Variants in NPAS2 observed in about 807,000 individuals in gnomAD.
NPAS2 encodes neuronal PAS domain protein 2.
Under a neutral mutation model 107.5 loss-of-function variants are expected in NPAS2, and 23 were observed. The observed-to-expected ratio is 0.21, with a 90% CI of 0.15 to 0.30. NPAS2 has a LOEUF of 0.30. Ranked by LOEUF, NPAS2 falls within the 10% of genes least tolerant of loss-of-function variation. The pLI is 1.00. For missense variants in NPAS2, 756 were observed against 1,043.3 expected, an observed-to-expected ratio of 0.72 and a Z score of 3.79; for synonymous variants, 403 against 417.5, an observed-to-expected ratio of 0.97 and a Z score of 0.42.
chr2:100,905,374 A>T (rs1218837781), intron 2 of NPAS2, among the ~76,000 whole-genome samples: 3 of 151,692 alleles, frequency 2.0e-5, no homozygotes, highest in Non-Finnish European at 4.4e-5. Context: ...AGCCCTGATA[A>T]CCTGTCTATG....
chr2:100,884,930 A>G (rs752364976), intron 1 of NPAS2, among the ~76,000 whole-genome samples: 6 of 150,248 alleles, frequency 4.0e-5, no homozygotes, highest in Non-Finnish European at 8.9e-5. Context: ...AAAATGGCCT[A>G]AGATCCTTTA....
intron 5 of NPAS2, among the ~76,000 whole-genome samples, chr2:100,941,714 C>T (rs1674584159): frequency 6.6e-6 from 1 of 152,156 alleles, no homozygotes; most frequent in Non-Finnish European, 1.5e-5. Flanking sequence ...GAATGAAAAC[C>T]TTGCGGGAGA....
intron 1 of NPAS2, among the ~76,000 whole-genome samples, chr2:100,892,799 G>A (rs553242179): frequency 1.2e-4 from 19 of 152,100 alleles, no homozygotes; most frequent in African/African-American, 3.9e-4. Flanking sequence ...AGCTCGTTGC[G>A]GCCTTTGGCT....
At chr2:100,878,847 G>A (rs909216498) in intron 1 of NPAS2, among the ~76,000 whole-genome samples, 4 of 152,126 alleles carry the variant, frequency 2.6e-5, no homozygotes, top group Non-Finnish European at 5.9e-5. Flanking sequence ...GGCCAGGCAC[G>A]GTGGTTCATG....
intron 19 of NPAS2, 123 bp from the exon 20 acceptor site, chr2:100,993,224 C>T (rs1221624668): frequency 6.7e-6 from 6 of 899,774 alleles, no homozygotes; most frequent in Middle Eastern, 2.6e-4. Flanking sequence ...TGAGCCACCG[C>T]GCCTGGCCAA....
At chr2:100,874,228 G>T (rs1404285100) in intron 1 of NPAS2, among the ~76,000 whole-genome samples, 1 of 151,780 alleles carries the variant, frequency 6.6e-6, no homozygotes, top group South Asian at 2.1e-4. Context: ...CAAGCAATCC[G>T]CCTGCCTCGG....
At chr2:100,943,233 C>T (rs974164023) in intron 5 of NPAS2, among the ~76,000 whole-genome samples, 5 of 152,228 alleles carry the variant, frequency 3.3e-5, no homozygotes, top group African/African-American at 1.2e-4. Context: ...TTGTTTTTGT[C>T]AGTCTGGTAC....
At chr2:100,851,023 A>G (rs1678143567) in intron 1 of NPAS2, among the ~76,000 whole-genome samples, 1 of 147,410 alleles carries the variant, frequency 6.8e-6, no homozygotes, top group Non-Finnish European at 1.5e-5. Flanking sequence ...ATGAATATTG[A>G]GGACACTATG....
chr2:100,843,752 A>T (rs1677593987), intron 1 of NPAS2, among the ~76,000 whole-genome samples: 1 of 152,156 alleles, frequency 6.6e-6, no homozygotes, highest in Non-Finnish European at 1.5e-5. Context: ...AAAGAGATCT[A>T]AAGGATCTCT....
chr2:100,924,810 C>T lies in NPAS2; in HGVS notation c.33-336C>T, dbSNP rs558197062. The stretch of plus-strand genomic sequence containing the variant: ...CTTAGGAAGGGCTCTCCGAGCACAG[C>T]CATCTCAGTCAGCAGTGTGTCCTTT... On this transcript the variant is annotated intron_variant, in intron 2 of 20. Transcript: ENST00000335681. Among the ~76,000 whole-genome samples, 5 of 152,332 alleles carry T rather than the reference C, an allele frequency of 3.3e-5. No homozygotes were observed. In the East Asian group the frequency reaches 9.7e-4, roughly 29 times the overall value.
At chr2:100,944,632 ATTGT>A (rs1674776820) in intron 5 of NPAS2, among the ~76,000 whole-genome samples, 1 of 152,154 alleles carries the variant, frequency 6.6e-6, no homozygotes, top group Non-Finnish European at 1.5e-5. Context: ...TCAAGTTATC[ATTGT>A]TTGTGTTGGT....
At position 100,948,333 on chromosome 2, in the gene NPAS2, C is replaced by T. The variant is rs1301211882; in HGVS notation, c.462C>T (p.Ser154=). The T allele has an allele frequency of 2.5e-6, 4 of 1,609,806 alleles. No individual in the cohort carries two copies. The highest frequency in any genetic ancestry group is 3.4e-6 in the Non-Finnish European group (4 of 1,178,074). ...CTTCCCATATGCTTGTGACGGATTCCCCCTCCCCAGAATACTTAAAATGTA... is the reference window on the plus strand; with the variant it reads ...CTTCCCATATGCTTGTGACGGATTCTCCCTCCCCAGAATACTTAAAATGTA... ...ILSSHMLVTD[S]PSPEYLKSDS... The change falls in exon 6 of 21, where the codon TCC becomes TCT. Residue 154 remains serine, a synonymous_variant. Coordinates refer to ENST00000335681, the MANE Select transcript of NPAS2 (RefSeq NM_002518.4).
chr2:100,878,391 T>G, intron 1 of NPAS2: 1 of 985,440 alleles, frequency 1.0e-6, no homozygotes, highest in Non-Finnish European at 1.2e-6. Context: ...GCTGAGGACC[T>G]GGAAAACCAG....
intron 1 of NPAS2, among the ~76,000 whole-genome samples, chr2:100,874,851 C>G (rs1237801357): frequency 2.0e-5 from 3 of 152,180 alleles, no homozygotes; most frequent in Admixed American, 6.5e-5. Flanking sequence ...CCGTTTCCTC[C>G]AGGCTGTCTC....
At chr2:100,941,581 TAATG>T (rs759636809) in intron 5 of NPAS2, among the ~76,000 whole-genome samples, 15 of 151,746 alleles carry the variant, frequency 9.9e-5, no homozygotes, top group African/African-American at 3.4e-4. Context: ...ATAACAATAA[TAATG>T]AGAATTGTTC....
chr2:100,952,040 T>A (rs1454658509), intron 7 of NPAS2, among the ~76,000 whole-genome samples: 2 of 149,946 alleles, frequency 1.3e-5, no homozygotes, highest in Non-Finnish European at 2.9e-5. Flanking sequence ...TAGTCCCAGC[T>A]ACTAGGGAGG....
At position 100,968,324 on chromosome 2, in the gene NPAS2, G is replaced by T; in HGVS notation, c.951G>T (p.Leu317=). ...GKGKSCCYRF[L]TKGQQWIWLQ... The stretch of plus-strand genomic sequence containing the variant: ...GGAAGTCGTGTTGCTACCGGTTTCT[G>T]ACCAAAGGTCAGCAGTGGATCTGGC... Residue 317 remains leucine, a synonymous_variant, in exon 11 of 21, where the codon CTG becomes CTT. Transcript: ENST00000335681. The surrounding 1 kb of genome is among the most constrained non-coding windows in gnomAD (Gnocchi z 5.3). The T allele has an allele frequency of 6.2e-7, 1 of 1,614,104 alleles. No homozygotes were observed. The highest frequency in any genetic ancestry group is 1.1e-5 in the South Asian group (1 of 91,054).
intron 1 of NPAS2, among the ~76,000 whole-genome samples, chr2:100,904,427 A>G (rs1320401749): frequency 6.6e-6 from 1 of 152,242 alleles, no homozygotes; most frequent in South Asian, 2.1e-4. Flanking sequence ...TCCTTGTCTC[A>G]TGAGTGTACA....
intron 1 of NPAS2, among the ~76,000 whole-genome samples, chr2:100,865,299 C>A (rs1679183202): frequency 1.3e-5 from 2 of 152,176 alleles, no homozygotes; most frequent in Admixed American, 1.3e-4. Flanking sequence ...TGGGAGGAAG[C>A]AGGTCGTGCT....
Sources: gnomAD v4.1 joint callset for allele counts (sites outside exome capture counted in the v4.1 genomes callset) on GRCh38, gnomAD v4.1.1 for gene constraint, Gnocchi (gnomAD v3.1) non-coding constraint, MANE v1.5 for transcripts, NCBI Gene and HGNC (gene_info 2026-07-23, HGNC 2026-07-21) for gene names.